Variants in SHISA9 observed in about 807,000 individuals in gnomAD.
The protein encoded by SHISA9 is protein shisa-9.
In SHISA9, 13 loss-of-function variants were observed where a neutral mutation model predicts 38.0. The ratio of observed to expected loss-of-function variants is 0.34; its 90% confidence interval spans 0.22 to 0.54. The LOEUF is 0.54. SHISA9 is among the 20% of genes least tolerant of loss of function. The pLI, the probability that SHISA9 is intolerant of heterozygous loss-of-function variation, is 0.91. For missense variants in SHISA9, 538 were observed against 575.8 expected, an observed-to-expected ratio of 0.93 and a Z score of 0.67; for synonymous variants, 275 against 242.0, an observed-to-expected ratio of 1.14 and a Z score of -1.27.
At chr16:12,969,034 G>A (rs2141804991) in intron 2 of SHISA9, among the ~76,000 whole-genome samples, 1 of 152,054 alleles carries the variant, frequency 6.6e-6, no homozygotes, top group Non-Finnish European at 1.5e-5. Flanking sequence ...GTGCGCACCT[G>A]TAGTCCCAGC....
chr16:12,975,564 G>T (rs1311411275), intron 2 of SHISA9, among the ~76,000 whole-genome samples: 3 of 143,618 alleles, frequency 2.1e-5, no homozygotes, highest in Non-Finnish European at 4.5e-5. Flanking sequence ...ATTTATGCAA[G>T]TTGTGTGTTT....
chr16:13,098,952 G>T (rs1016089087), intron 2 of SHISA9, among the ~76,000 whole-genome samples: 10 of 152,224 alleles, frequency 6.6e-5, no homozygotes, highest in African/African-American at 2.4e-4. Flanking sequence ...TTAGTTAAAA[G>T]AAAAGGATTG....
intron 2 of SHISA9, among the ~76,000 whole-genome samples, chr16:12,959,742 G>T (rs1474458001): frequency 1.3e-5 from 2 of 152,318 alleles, no homozygotes; most frequent in African/African-American, 4.8e-5. Flanking sequence ...CCCAGCAAAT[G>T]AGTGGCAGAG....
chr16:13,297,104 T>A, the SHISA9 span, among the ~76,000 whole-genome samples: 1 of 152,068 alleles, frequency 6.6e-6, no homozygotes, highest in Non-Finnish European at 1.5e-5. Flanking sequence ...TCTAATGGCA[T>A]CCCTATGGTA....
the SHISA9 span, among the ~76,000 whole-genome samples, chr16:13,479,940 G>C: frequency 6.6e-6 from 1 of 152,184 alleles, no homozygotes; most frequent in Non-Finnish European, 1.5e-5. Context: ...GATGGCTTAG[G>C]AGGCGGACTG....
At chr16:13,502,053 A>C in the SHISA9 span, among the ~76,000 whole-genome samples, 2 of 152,106 alleles carry the variant, frequency 1.3e-5, no homozygotes, top group Non-Finnish European at 2.9e-5. Flanking sequence ...CAGATGGATG[A>C]ATGGAAGGAT....
chr16:13,334,445 G>C, the SHISA9 span, among the ~76,000 whole-genome samples: 1 of 152,192 alleles, frequency 6.6e-6, no homozygotes, highest in Non-Finnish European at 1.5e-5. Context: ...ATTGGGGCAA[G>C]TTGCAGTCCC....
chr16:13,069,617 A>AAT (rs1227475562), intron 2 of SHISA9, among the ~76,000 whole-genome samples: 1 of 152,154 alleles, frequency 6.6e-6, no homozygotes, highest in African/African-American at 2.4e-5. Context: ...GTGTACATGC[A>AAT]ATGTGTGTGT....
At chr16:13,077,244 T>TTCTTCTTC (rs1254606253) in intron 2 of SHISA9, among the ~76,000 whole-genome samples, 3 of 126,672 alleles carry the variant, frequency 2.4e-5, no homozygotes, top group African/African-American at 1.3e-4. Context: ...CTTCTTCTTC[T>TTCTTCTTC]TTTTTTTTTT....
chr16:13,291,357 G>C, the SHISA9 span, among the ~76,000 whole-genome samples: 8 of 152,270 alleles, frequency 5.3e-5, no homozygotes. Flanking sequence ...AAGTTACATT[G>C]CTAAGGGTCC....
chr16:13,435,239 TC>T, the SHISA9 span, among the ~76,000 whole-genome samples: 2 of 150,784 alleles, frequency 1.3e-5, no homozygotes, highest in Non-Finnish European at 3.0e-5. Context: ...TTTTTTTTTT[TC>T]AGTAAATGTA....
chr16:13,087,147 CTTTTTTTTTTTTTT>C (rs956913326), intron 2 of SHISA9, among the ~76,000 whole-genome samples: 3 of 81,624 alleles, frequency 3.7e-5, no homozygotes, highest in Non-Finnish European at 7.0e-5. Context: ...ATGAACTCGT[CTTTTTTTTTTTTTT>C]TTTTTTTTTG....
the SHISA9 span, among the ~76,000 whole-genome samples, chr16:13,402,448 GC>G: frequency 1.3e-5 from 2 of 151,788 alleles, no homozygotes; most frequent in Non-Finnish European, 2.9e-5. Flanking sequence ...CCCTTCCTCC[GC>G]TTTTTTGTTC....
chr16:12,998,926 T>C (rs1230474239), intron 2 of SHISA9, among the ~76,000 whole-genome samples: 8 of 152,194 alleles, frequency 5.3e-5, no homozygotes, highest in Non-Finnish European at 1.2e-4. Context: ...TCCCTAACCA[T>C]TGCTCTTAGA....
At chr16:13,459,475 C>G in the SHISA9 span, among the ~76,000 whole-genome samples, 32 of 149,742 alleles carry the variant, frequency 2.1e-4, no homozygotes, top group African/African-American at 7.0e-4. Flanking sequence ...TATCTTTTGC[C>G]TGGAATGTTC....
chr16:13,256,472 T>G, the SHISA9 span, among the ~76,000 whole-genome samples: 108,946 of 151,976 alleles, frequency 0.72, 39,227 homozygotes, highest in Admixed American at 0.79. Context: ...GTAGAGATGT[T>G]GTTTTCCGTG....
the SHISA9 span, among the ~76,000 whole-genome samples, chr16:13,553,781 C>T: frequency 6.6e-6 from 1 of 152,186 alleles, no homozygotes; most frequent in Admixed American, 6.5e-5. Context: ...CCAAACTGTT[C>T]ACTGTGCTTT....
At chr16:13,395,284 A>G in the SHISA9 span, among the ~76,000 whole-genome samples, 2 of 152,222 alleles carry the variant, frequency 1.3e-5, no homozygotes, top group Non-Finnish European at 2.9e-5. Context: ...GGAACCGTGC[A>G]GACTTGGACT....
chr16:13,395,182 C>G, the SHISA9 span, among the ~76,000 whole-genome samples: 7 of 152,058 alleles, frequency 4.6e-5, no homozygotes, highest in Non-Finnish European at 1.0e-4. Context: ...GCTGGTGCAC[C>G]TTCGAGGAGC....
Sources: gnomAD v4.1 joint callset for allele counts (sites outside exome capture counted in the v4.1 genomes callset) on GRCh38, gnomAD v4.1.1 for gene constraint, MANE v1.5 for transcripts, NCBI Gene and HGNC (gene_info 2026-07-23, HGNC 2026-07-21) for gene names.